The following ASH1L variants were observed in gnomAD, a reference collection of about 807,000 sequenced individuals.
ASH1L encodes the protein ASH1 like histone lysine methyltransferase, also known as histone-lysine N-methyltransferase ASH1L.
In ASH1L, 23 loss-of-function variants were observed where a neutral mutation model predicts 269.0. That is an observed-to-expected ratio of 0.09 (90% CI 0.06 to 0.12). The LOEUF (loss-of-function observed/expected upper bound fraction) is 0.12, where lower values mean the gene tolerates loss of function less well. ASH1L is among the 10% of genes least tolerant of loss of function. The probability of loss-of-function intolerance (pLI) is 1.00; values close to 1 mark genes in which losing one functional copy is unlikely to be tolerated. For missense variants in ASH1L, 2,912 were observed against 3,567.8 expected, an observed-to-expected ratio of 0.82 and a Z score of 4.68; for synonymous variants, 1,187 against 1,253.5, an observed-to-expected ratio of 0.95 and a Z score of 1.12.
chr1:155,338,250 C>T lies in ASH1L; in HGVS notation c.8642G>A (p.Arg2881Gln), dbSNP rs375668916. The T allele has an allele frequency of 4.7e-5, 76 of 1,614,038 alleles. No individual in the cohort carries two copies. The highest frequency in any genetic ancestry group is 5.8e-5 in the Non-Finnish European group (68 of 1,180,012). Reference protein sequence around the residue: ...NEIPSLEEPEREGATANVSEG... With the variant: ...NEIPSLEEPEQEGATANVSEG... Reference sequence around the variant, plus strand: ...ACTGACGTTAGCAGTGGCCCCTTCCCGTTCTGGCTCCTCCAGGCTGGGTAT... The same window carrying T: ...ACTGACGTTAGCAGTGGCCCCTTCCTGTTCTGGCTCCTCCAGGCTGGGTAT... Residue 2881 changes from arginine (R) to glutamine (Q), a missense_variant, in exon 27 of 28, where the codon CGG becomes CAG. This residue lies in a region of ASH1L where 154 missense variants were observed against 165.0 expected (regional missense o/e 0.93). Coordinates refer to ENST00000392403, the MANE Select transcript of ASH1L (RefSeq NM_018489.3).
chr1:155,529,344 C>T (rs1669499482), intron 1 of ASH1L, among the ~76,000 whole-genome samples: 1 of 142,660 alleles, frequency 7.0e-6, no homozygotes, highest in African/African-American at 2.5e-5. Context: ...TGCAACCTTG[C>T]CAGCATCTTT....
chr1:155,370,427 C>T lies in ASH1L; in HGVS notation c.6686+77G>A. The T allele has an allele frequency of 1.9e-6, 3 of 1,581,934 alleles. No homozygotes were observed. In the South Asian group the frequency reaches 3.4e-5, roughly 18 times the overall value. The stretch of plus-strand genomic sequence containing the variant: ...GCTGCTTTGTGTAAGCTGACTGACA[C>T]TGGAAAGATCAATCCCTTGCTGCAC... On this transcript the variant is annotated intron_variant, in intron 12 of 27. Transcript: ENST00000392403.
chr1:155,373,555 C>T (rs1656171747), intron 10 of ASH1L, among the ~76,000 whole-genome samples: 1 of 152,116 alleles, frequency 6.6e-6, no homozygotes, highest in South Asian at 2.1e-4. Flanking sequence ...ATCGGCCTCC[C>T]AAAATGCTAG....
intron 10 of ASH1L, among the ~76,000 whole-genome samples, chr1:155,374,126 C>G (rs1021351257): frequency 6.6e-6 from 1 of 152,104 alleles, no homozygotes; most frequent in African/African-American, 2.4e-5. Flanking sequence ...GTCAGGAGTT[C>G]GAGATCAGCC....
rs552456863 is a variant in ASH1L at position 155,441,485 on chromosome 1, C to T, written c.5087-2417G>A. ...TTTTTTTTTTTTTTTTTTTTTGAGACGGAGTCTTGCTCTGTCACCCAGGCT... is the reference window on the plus strand; with the variant it reads ...TTTTTTTTTTTTTTTTTTTTTGAGATGGAGTCTTGCTCTGTCACCCAGGCT... On this transcript the variant is annotated intron_variant, in intron 4 of 27. Coordinates refer to ENST00000392403, the MANE Select transcript of ASH1L (RefSeq NM_018489.3). Among the ~76,000 whole-genome samples the T allele has an allele frequency of 2.6e-3, 231 of 88,154 alleles. 1 individual carries two copies. The highest frequency in any genetic ancestry group is 4.1e-3 in the Non-Finnish European group (194 of 47,632). 57.8% of individuals were successfully genotyped at this position (88,154 alleles called of 152,430 possible).
rs776932701 is a variant in ASH1L at position 155,480,534 on chromosome 1, A to C, written c.2336T>G (p.Leu779Trp). 2 of 1,614,156 alleles carry C rather than the reference A, an allele frequency of 1.2e-6. No homozygotes were observed. Among genetic ancestry groups the C allele is most frequent in the South Asian group, 2.2e-5 (2 of 91,076 alleles). Residue 779 changes from leucine (L) to tryptophan (W), a missense_variant, in exon 3 of 28, where the codon TTG becomes TGG. Physicochemically the swap from Leu to Trp is moderately conservative, Grantham distance 61. Transcript: ENST00000392403. ...AGCTGTGGATTTGCTCAACTTTGGC[A>C]ATCGGCGTTTAAGGAAGTCATGATC... is the stretch of plus-strand genomic sequence containing the variant. ...FVDHDFLKRR[L>W]PKLSKSTAPS... is the part of the protein sequence containing the mutation.
In ASH1L at chr1:155,478,331, A is replaced by G; in HGVS notation, c.4539T>C (p.Ser1513=). 1.9e-6 allele frequency: 3 copies of G among 1,614,156 alleles called. No individual in the cohort carries two copies. The highest frequency in any genetic ancestry group is 2.5e-6 in the Non-Finnish European group (3 of 1,180,034). The part of the protein sequence containing the change: ...DTGSSRSVLE[S]LKRYRFGKDA... ...CCTTTCCAAATCTATAGCGCTTCAA[A>G]GATTCCAGGACAGATCGGGAAGAGC... The change falls in exon 3 of 28, where the codon TCT becomes TCC. Residue 1513 remains serine (S), a synonymous_variant. Transcript: ENST00000392403. This position sits in a 1 kb window ranked among gnomAD's most constrained non-coding sequence, Gnocchi z 4.6.
At chr1:155,382,186 G>A (rs750110746) in intron 7 of ASH1L, among the ~76,000 whole-genome samples, 60 of 150,334 alleles carry the variant, frequency 4.0e-4, no homozygotes, top group Non-Finnish European at 6.2e-4. Context: ...AGCAGGCAAC[G>A]ACACAGACTC....
At chr1:155,434,639 T>A (rs917574927) in intron 5 of ASH1L, among the ~76,000 whole-genome samples, 5 of 151,198 alleles carry the variant, frequency 3.3e-5, no homozygotes, top group African/African-American at 1.2e-4. Flanking sequence ...GATCATCAGG[T>A]CAGGAGTTTG....
chr1:155,445,558 G>C (rs1373738902), intron 4 of ASH1L, among the ~76,000 whole-genome samples: 2 of 152,084 alleles, frequency 1.3e-5, no homozygotes, highest in Non-Finnish European at 2.9e-5. Context: ...TTTAACTTCT[G>C]GGCTCAAGTG....
chr1:155,342,768 T>C (rs536297157), intron 24 of ASH1L, among the ~76,000 whole-genome samples: 9 of 152,220 alleles, frequency 5.9e-5, no homozygotes, highest in African/African-American at 1.7e-4. Context: ...CAAAGGAACA[T>C]AGATAAAATG....
intron 10 of ASH1L, among the ~76,000 whole-genome samples, chr1:155,377,276 T>C (rs1656538073): frequency 6.6e-6 from 1 of 152,204 alleles, no homozygotes; most frequent in African/African-American, 2.4e-5. Flanking sequence ...TATATCCCCA[T>C]ATGAAGAGCA....
At chr1:155,490,131 A>AT (rs1666660215) in intron 2 of ASH1L, among the ~76,000 whole-genome samples, 1 of 151,608 alleles carries the variant, frequency 6.6e-6, no homozygotes, top group Non-Finnish European at 1.5e-5. Flanking sequence ...TGCCCGGCTG[A>AT]TTTTTTGTAT....
At chr1:155,401,813 G>C (rs1301102288) in intron 6 of ASH1L, among the ~76,000 whole-genome samples, 1 of 151,016 alleles carries the variant, frequency 6.6e-6, no homozygotes, top group Non-Finnish European at 1.5e-5. Context: ...TGGCTTCCGG[G>C]AACAGTGGCT....
chr1:155,473,516 A>G (rs1439537300), intron 3 of ASH1L, among the ~76,000 whole-genome samples: 2 of 144,990 alleles, frequency 1.4e-5, no homozygotes, highest in Non-Finnish European at 3.0e-5. Flanking sequence ...TTTTTGAGAC[A>G]GAGTATCACT....
At chr1:155,356,629 C>T (rs1260301892) in intron 15 of ASH1L, among the ~76,000 whole-genome samples, 1 of 145,524 alleles carries the variant, frequency 6.9e-6, no homozygotes, top group African/African-American at 2.6e-5. Flanking sequence ...GGCGACACAG[C>T]GAGACTCCGT....
chr1:155,528,659 T>C (rs533313645), intron 1 of ASH1L, among the ~76,000 whole-genome samples: 17 of 152,288 alleles, frequency 1.1e-4, no homozygotes, highest in African/African-American at 3.1e-4. Flanking sequence ...CCCAACATTA[T>C]GGAGGGTGAT....
At chr1:155,523,530 TGTAA>T (rs1669028404) in intron 1 of ASH1L, among the ~76,000 whole-genome samples, 1 of 152,114 alleles carries the variant, frequency 6.6e-6, no homozygotes, top group South Asian at 2.1e-4. Flanking sequence ...CTACAAGGAA[TGTAA>T]GTAAAATACC....
Position 155,479,296 on chromosome 1 carries a change from G to A in ASH1L, c.3574C>T (p.His1192Tyr). The A allele has an allele frequency of 1.2e-6, 2 of 1,614,052 alleles. No individual in the cohort carries two copies. Among genetic ancestry groups the A allele is most frequent in the Non-Finnish European group, 1.7e-6 (2 of 1,179,996 alleles). ...TCACTGGGAATGGTCTCATCACTAT[G>A]AGACTCACTGATTGGGGAAGGAGTA... ...EATPSPISES[H>Y]SDETIPSDSG... Residue 1192 changes from histidine (H) to tyrosine (Y), a missense_variant, in exon 3 of 28, where the codon CAT becomes TAT. Transcript: ENST00000392403.
Sources: gnomAD v4.1 joint callset for allele counts (sites outside exome capture counted in the v4.1 genomes callset) on GRCh38, gnomAD v4.1.1 for gene constraint, gnomAD v4.1.1 regional missense constraint, Gnocchi (gnomAD v3.1) non-coding constraint, MANE v1.5 for transcripts, NCBI Gene and HGNC (gene_info 2026-07-23, HGNC 2026-07-21) for gene names.